The following LRGUK variants were observed in gnomAD, a reference collection of about 807,000 sequenced individuals.
The protein encoded by LRGUK is leucine-rich repeat and guanylate kinase domain-containing protein.
A neutral mutation model predicts 76.0 loss-of-function variants in LRGUK; 65 were observed. The observed-to-expected ratio is 0.85, with a 90% CI of 0.70 to 1.05. The LOEUF is 1.05. LRGUK is among the 50% of genes least tolerant of loss of function. The pLI is 0.00. For missense variants in LRGUK, 758 were observed against 732.8 expected (o/e 1.03, Z -0.40); for synonymous variants, 268 against 265.6 (o/e 1.01, Z -0.09).
chr7:134,253,179 T>C (rs1035831504), intron 18 of LRGUK, among the ~76,000 whole-genome samples: 1 of 152,166 alleles, frequency 6.6e-6, no homozygotes, highest in Non-Finnish European at 1.5e-5. Context: ...CCTACTAGGT[T>C]CTGCAGCGGA....
chr7:134,231,148 C>G (rs990068550), intron 16 of LRGUK, among the ~76,000 whole-genome samples: 1 of 152,154 alleles, frequency 6.6e-6, no homozygotes, highest in Non-Finnish European at 1.5e-5. Flanking sequence ...ACTTGATGAT[C>G]CATCTGAAGG....
In LRGUK at chr7:134,162,792, A is replaced by C. The variant is rs1312791538; in HGVS notation, c.796-605A>C. On this transcript the variant is annotated intron_variant, in intron 6 of 15. Coordinates refer to ENST00000645682, the Ensembl canonical transcript of LRGUK. Reference sequence around the variant, plus strand: ...CAGTGAGCCGAGGTCGTGCCACTGCACTCCAGCCTGGGCTACAAAGCCAGA... The same window carrying C: ...CAGTGAGCCGAGGTCGTGCCACTGCCCTCCAGCCTGGGCTACAAAGCCAGA... 2.3e-5 allele frequency among the ~76,000 whole-genome samples: 3 copies of C among 132,576 alleles called. No homozygotes were observed. The East Asian group carries it at 6.8e-4, about 30-fold the overall frequency. 87.0% of individuals were successfully genotyped at this position (132,576 alleles called of 152,430 possible).
At chr7:134,143,988 T>C (rs571608659) in intron 4 of LRGUK, among the ~76,000 whole-genome samples, 9 of 152,330 alleles carry the variant, frequency 5.9e-5, no homozygotes, top group African/African-American at 2.2e-4. Flanking sequence ...TTCTGCACAT[T>C]GGAATCACCT....
At chr7:134,226,297 C>G (rs1434024608) in intron 16 of LRGUK, among the ~76,000 whole-genome samples, 3 of 150,194 alleles carry the variant, frequency 2.0e-5, no homozygotes, top group Non-Finnish European at 4.4e-5. Context: ...AAGCACCATT[C>G]CCACTTATGT....
chr7:134,221,864 C>G, exon 16 of LRGUK: 1 of 1,599,282 alleles, frequency 6.3e-7, no homozygotes, highest in Non-Finnish European at 8.5e-7. Flanking sequence ...ATTCTACAGA[C>G]AGAAACTACC....
chr7:134,205,331 T>G (rs920258434), intron 15 of LRGUK, among the ~76,000 whole-genome samples: 1 of 151,984 alleles, frequency 6.6e-6, no homozygotes, highest in Non-Finnish European at 1.5e-5. Context: ...GTTCCCCAAG[T>G]CCCCACTCGA....
intron 11 of LRGUK, among the ~76,000 whole-genome samples, chr7:134,190,608 G>T (rs767087798): frequency 2.6e-5 from 4 of 152,224 alleles, no homozygotes; most frequent in Non-Finnish European, 4.4e-5. Flanking sequence ...GAGTCCTGGT[G>T]GTTGGGACCA....
chr7:134,195,894 C>T (rs980837554), intron 12 of LRGUK, among the ~76,000 whole-genome samples: 1 of 152,088 alleles, frequency 6.6e-6, no homozygotes, highest in Non-Finnish European at 1.5e-5. Flanking sequence ...TTCCTCATCA[C>T]CTGCAGCAGA....
intron 18 of LRGUK, among the ~76,000 whole-genome samples, chr7:134,249,955 C>T (rs186968252): frequency 2.6e-5 from 4 of 152,284 alleles, no homozygotes; most frequent in Admixed American, 2.6e-4. Context: ...CCAGGGCCCT[C>T]ATAGGTTGCT....
exon 16 of LRGUK, chr7:134,209,115 C>A: frequency 2.5e-6 from 1 of 399,174 alleles, no homozygotes; most frequent in Non-Finnish European, 4.4e-6. Context: ...TCTCCCATCA[C>A]CCCGACCCTG....
chr7:134,181,923 G>A (rs1468476358), intron 10 of LRGUK, among the ~76,000 whole-genome samples: 1 of 152,004 alleles, frequency 6.6e-6, no homozygotes, highest in Admixed American at 6.6e-5. Flanking sequence ...ATTCATCTTA[G>A]CACCACTACA....
intron 5 of LRGUK, among the ~76,000 whole-genome samples, chr7:134,149,511 A>G (rs1237458818): frequency 6.6e-6 from 1 of 152,212 alleles, no homozygotes; most frequent in Non-Finnish European, 1.5e-5. Context: ...AAAGAAAAAA[A>G]TCCTTTATTT....
chr7:134,193,507 C>T (rs1800347276), intron 12 of LRGUK, among the ~76,000 whole-genome samples: 1 of 152,176 alleles, frequency 6.6e-6, no homozygotes, highest in South Asian at 2.1e-4. Context: ...AAAGTCACTA[C>T]ACTTCTATAC....
At chr7:134,160,782 A>G (rs1019807476) in intron 6 of LRGUK, among the ~76,000 whole-genome samples, 5 of 152,158 alleles carry the variant, frequency 3.3e-5, no homozygotes, top group African/African-American at 1.2e-4. Flanking sequence ...GAATGTTTCT[A>G]ATTTCATTTA....
chr7:134,220,894 T>A (rs1458255827), intron 15 of LRGUK, among the ~76,000 whole-genome samples: 1 of 152,100 alleles, frequency 6.6e-6, no homozygotes, highest in Non-Finnish European at 1.5e-5. Context: ...GTGCCAAGCA[T>A]GCAGGGGCTG....
chr7:134,239,342 C>T (rs545417659), intron 16 of LRGUK, among the ~76,000 whole-genome samples: 1 of 152,336 alleles, frequency 6.6e-6, no homozygotes, highest in South Asian at 2.1e-4. Context: ...AATTGGGACA[C>T]TCCCACACTA....
Position 134,197,167 on chromosome 7 carries a change from A to G in LRGUK, c.1545+62A>G, listed in dbSNP as rs543096713. The G allele has an allele frequency of 2.0e-4, 144 of 732,056 alleles. No homozygotes were observed. In the African/African-American group the frequency reaches 2.2e-3, roughly 11 times the overall value. The allele number at this position is 732,056 out of a possible 1,614,324, so 45.3% of individuals were successfully genotyped here. A position where few individuals can be genotyped will look rare whatever the true frequency, so the allele number is the denominator to read the frequency against. On this transcript the variant is annotated intron_variant, in intron 13 of 15. Coordinates refer to ENST00000645682, the Ensembl canonical transcript of LRGUK. ...GTTTGTGTGAGTGTGGTGTGTGTGT[A>G]TGTGTGTGTGTGTGTGTATATATGT...
rs142580100 is a variant in LRGUK at position 134,173,761 on chromosome 7, T to C, written c.940-795T>C. On this transcript the variant is annotated intron_variant, in intron 7 of 15. Transcript: ENST00000645682. ...AAGAAATATGTCATACAATTTTTAGTTTTTTACCTTGAAATAATTCTCTGT... is the reference window on the plus strand; with the variant it reads ...AAGAAATATGTCATACAATTTTTAGCTTTTTACCTTGAAATAATTCTCTGT... 5.0e-4 allele frequency among the ~76,000 whole-genome samples: 76 copies of C among 152,294 alleles called. No individual in the cohort carries two copies. In the East Asian group the frequency reaches 0.014, roughly 28 times the overall value.
At chr7:134,144,356 C>T (rs1797886880) in intron 4 of LRGUK, among the ~76,000 whole-genome samples, 1 of 152,004 alleles carries the variant, frequency 6.6e-6, no homozygotes, top group African/African-American at 2.4e-5. Context: ...CCAGGCTGGT[C>T]TTGAACTCCT....
Sources: gnomAD v4.1 joint callset for allele counts (sites outside exome capture counted in the v4.1 genomes callset) on GRCh38, gnomAD v4.1.1 for gene constraint, MANE v1.5 for transcripts, NCBI Gene and HGNC (gene_info 2026-07-23, HGNC 2026-07-21) for gene names.